The following KCNH7 variants were observed in gnomAD, a reference collection of about 807,000 sequenced individuals.
KCNH7 encodes voltage-gated inwardly rectifying potassium channel KCNH7.
A neutral mutation model predicts 120.8 loss-of-function variants in KCNH7; 49 were observed. The observed-to-expected ratio is 0.41, with a 90% CI of 0.32 to 0.51. The LOEUF is 0.51. KCNH7 is among the 20% of genes least tolerant of loss of function. KCNH7 has a pLI of 0.38. For synonymous variants in KCNH7, 547 were observed against 516.1 expected, an observed-to-expected ratio of 1.06 and a Z score of -0.81; for missense variants, 1,097 against 1,446.6, an observed-to-expected ratio of 0.76 and a Z score of 3.92.
At chr2:162,686,474 G>A (rs1369809190) in intron 2 of KCNH7, among the ~76,000 whole-genome samples, 1 of 152,158 alleles carries the variant, frequency 6.6e-6, no homozygotes, top group East Asian at 1.9e-4. Flanking sequence ...ACCAAACTTG[G>A]CAAGTAATGG....
intron 2 of KCNH7, among the ~76,000 whole-genome samples, chr2:162,641,365 T>C (rs928765375): frequency 2.0e-5 from 3 of 152,154 alleles, no homozygotes; most frequent in Non-Finnish European, 4.4e-5. Flanking sequence ...TGAGTTAATA[T>C]GCAGAAAATT....
At chr2:162,392,754 T>C (rs1203381722) in intron 12 of KCNH7, among the ~76,000 whole-genome samples, 1 of 151,722 alleles carries the variant, frequency 6.6e-6, no homozygotes, top group East Asian at 2.0e-4. Flanking sequence ...GATGGAGTGA[T>C]GGGAGTAGTT....
At chr2:162,602,915 G>A (rs192415566) in intron 2 of KCNH7, among the ~76,000 whole-genome samples, 4 of 150,480 alleles carry the variant, frequency 2.7e-5, no homozygotes, top group Admixed American at 2.6e-4. Flanking sequence ...AGGAGGAGGA[G>A]GGTGAGGAGG....
At chr2:162,600,121 T>A (rs547623778) in intron 2 of KCNH7, among the ~76,000 whole-genome samples, 35 of 152,238 alleles carry the variant, frequency 2.3e-4, no homozygotes, top group African/African-American at 8.4e-4. Context: ...TCTCTCTAGC[T>A]TGTAATCAAT....
intron 2 of KCNH7, among the ~76,000 whole-genome samples, chr2:162,553,551 A>T (rs1342612514): frequency 1.3e-5 from 2 of 152,126 alleles, no homozygotes; most frequent in Non-Finnish European, 2.9e-5. Flanking sequence ...CGGGAGGCTG[A>T]GGCAGGAAAA....
chr2:162,373,735 C>A, intron 14 of KCNH7, 73 bp from the exon 15 acceptor site: 2 of 1,039,764 alleles, frequency 1.9e-6, no homozygotes, highest in Non-Finnish European at 1.3e-6. Context: ...AAAAAAATTT[C>A]AGCACTACCA....
intron 2 of KCNH7, among the ~76,000 whole-genome samples, chr2:162,734,369 T>C (rs1202377573): frequency 1.3e-5 from 2 of 152,188 alleles, no homozygotes; most frequent in Non-Finnish European, 2.9e-5. Flanking sequence ...ATGACCTTTT[T>C]ATGTTTTTAT....
intron 2 of KCNH7, among the ~76,000 whole-genome samples, chr2:162,751,157 CATT>C (rs1249723344): frequency 6.6e-6 from 1 of 152,108 alleles, no homozygotes; most frequent in African/African-American, 2.4e-5. Flanking sequence ...TCTCATATAA[CATT>C]ATATTTAACC....
chr2:162,433,290 A>T lies in KCNH7; in HGVS notation c.1954+1908T>A, dbSNP rs561766670. On this transcript the variant is annotated intron_variant, in intron 8 of 15. Coordinates refer to ENST00000332142, the MANE Select transcript of KCNH7 (RefSeq NM_033272.4). ...ATTAGAAAAAACGATTATGAAATTT[A>T]TAGAAAGTGAAACAGAGCCTGAATA... Among the ~76,000 whole-genome samples, 60 of 152,154 alleles carry T rather than the reference A, an allele frequency of 3.9e-4. 1 individual carries two copies. In the South Asian group the frequency reaches 8.1e-3, roughly 20 times the overall value.
chr2:162,777,195 G>A (rs1490672869), intron 2 of KCNH7, among the ~76,000 whole-genome samples: 2 of 152,024 alleles, frequency 1.3e-5, no homozygotes, highest in Non-Finnish European at 2.9e-5. Flanking sequence ...ATTGGTTCCA[G>A]GAACCCCCAC....
intron 2 of KCNH7, among the ~76,000 whole-genome samples, chr2:162,689,396 C>A (rs1184151815): frequency 6.6e-6 from 1 of 152,048 alleles, no homozygotes; most frequent in Non-Finnish European, 1.5e-5. Flanking sequence ...AGGTGATCCA[C>A]CTGCCTCGGC....
At chr2:162,419,965 T>A (rs1199617957) in intron 9 of KCNH7, among the ~76,000 whole-genome samples, 1 of 152,148 alleles carries the variant, frequency 6.6e-6, no homozygotes, top group Non-Finnish European at 1.5e-5. Flanking sequence ...TGAAAAAAAA[T>A]ATCTCTTCAC....
intron 3 of KCNH7, among the ~76,000 whole-genome samples, chr2:162,535,362 A>C (rs150046674): frequency 2.2e-3 from 332 of 151,928 alleles, no homozygotes; most frequent in African/African-American, 7.6e-3. Flanking sequence ...ACTGTAAACT[A>C]AGAATTCACT....
At chr2:162,504,803 G>A (rs910733946) in intron 5 of KCNH7, 146 bp from the exon 6 acceptor site, 8 of 612,238 alleles carry the variant, frequency 1.3e-5, no homozygotes, top group South Asian at 4.1e-5. Flanking sequence ...TGGACACAGG[G>A]CTTAGGGTCA....
At chr2:162,760,352 C>T (rs1011842868) in intron 2 of KCNH7, among the ~76,000 whole-genome samples, 1 of 151,994 alleles carries the variant, frequency 6.6e-6, no homozygotes, top group Non-Finnish European at 1.5e-5. Context: ...AATTAATTTA[C>T]ATTTTTATAA....
chr2:162,503,953 G>A lies in KCNH7; in HGVS notation c.1128+490C>T, dbSNP rs1407988266. Among the ~76,000 whole-genome samples, 3 of 151,578 alleles carry A rather than the reference G, an allele frequency of 2.0e-5. No individual in the cohort carries two copies. In the East Asian group the frequency reaches 5.8e-4, roughly 29 times the overall value. ...CAATTAGATATTGTTCCAATAAAAT[G>A]TGGTGTTCCACTGACTTTTCATCAT... On this transcript the variant is annotated intron_variant, in intron 6 of 15. Transcript: ENST00000332142.
intron 2 of KCNH7, among the ~76,000 whole-genome samples, chr2:162,800,801 T>C (rs975192320): frequency 6.6e-6 from 1 of 151,940 alleles, no homozygotes; most frequent in African/African-American, 2.4e-5. Context: ...TTGACACCCT[T>C]ATGATGTTGC....
intron 2 of KCNH7, among the ~76,000 whole-genome samples, chr2:162,545,338 C>T (rs948674682): frequency 5.9e-5 from 9 of 152,254 alleles, no homozygotes; most frequent in African/African-American, 7.2e-5. Context: ...GAGAAGTCTG[C>T]GATAACATCT....
chr2:162,533,257 GT>G (rs1428419749), intron 3 of KCNH7, among the ~76,000 whole-genome samples: 2 of 151,654 alleles, frequency 1.3e-5, no homozygotes, highest in Non-Finnish European at 2.9e-5. Context: ...ACATAATGAA[GT>G]ACTTCAAGAA....
Sources: gnomAD v4.1 joint callset for allele counts (sites outside exome capture counted in the v4.1 genomes callset) on GRCh38, gnomAD v4.1.1 for gene constraint, MANE v1.5 for transcripts, NCBI Gene and HGNC (gene_info 2026-07-23, HGNC 2026-07-21) for gene names.